Variants in APLF observed in about 807,000 individuals in gnomAD.
APLF encodes the protein aprataxin and PNKP like factor, also known as aprataxin and PNK-like factor.
APLF carries 61 observed loss-of-function variants against 55.6 expected under a neutral mutation model. The ratio of observed to expected loss-of-function variants is 1.10; its 90% CI spans 0.89 to 1.36. The LOEUF is 1.36. APLF is among the 40% of genes most tolerant of loss of function. The pLI, the probability that APLF is intolerant of heterozygous loss-of-function variation, is 0.00. For synonymous variants in APLF, 207 were observed against 214.8 expected, an observed-to-expected ratio of 0.96 and a Z score of 0.32; for missense variants, 611 against 602.5, an observed-to-expected ratio of 1.01 and a Z score of -0.15.
At chr2:68,522,156 G>C (rs1201270690) in intron 5 of APLF, among the ~76,000 whole-genome samples, 2 of 151,690 alleles carry the variant, frequency 1.3e-5, no homozygotes, top group Non-Finnish European at 3.0e-5. Flanking sequence ...GATTTTAATA[G>C]AAATTCTCTT....
At chr2:68,513,912 T>C (rs1669492011) in intron 5 of APLF, among the ~76,000 whole-genome samples, 1 of 151,740 alleles carries the variant, frequency 6.6e-6, no homozygotes, top group Non-Finnish European at 1.5e-5. Context: ...CAAGTGCTAT[T>C]ATGTGCTAGA....
chr2:68,497,470 C>G (rs1676584503), intron 2 of APLF, among the ~76,000 whole-genome samples: 1 of 151,882 alleles, frequency 6.6e-6, no homozygotes, highest in Admixed American at 6.6e-5. Flanking sequence ...CCTGCTCCAG[C>G]AATATAGGAT....
intron 8 of APLF, among the ~76,000 whole-genome samples, chr2:68,556,688 T>A (rs574960344): frequency 6.6e-6 from 1 of 152,254 alleles, no homozygotes; most frequent in African/African-American, 2.4e-5. Context: ...CACAATCATG[T>A]ACCTTGCCTT....
chr2:68,563,658 G>T (rs914274726), intron 8 of APLF, among the ~76,000 whole-genome samples: 3 of 151,906 alleles, frequency 2.0e-5, no homozygotes, highest in Non-Finnish European at 4.4e-5. Context: ...TAACTCCTTA[G>T]GTTTCATTAC....
In APLF at chr2:68,537,856, C is replaced by T; in HGVS notation, c.805-16C>T. On this transcript the variant is annotated splice_polypyrimidine_tract_variant and intron_variant, in intron 6 of 9. Transcript: ENST00000303795. ...TGTTTCATTTATTTCTGATGTTTTTCATATTTGTTTTACAGGAAATGCCAC... is the reference window on the plus strand; with the variant it reads ...TGTTTCATTTATTTCTGATGTTTTTTATATTTGTTTTACAGGAAATGCCAC... 1 of 1,499,590 alleles carries T rather than the reference C, an allele frequency of 6.7e-7. No individual in the cohort carries two copies. The highest frequency in any genetic ancestry group is 2.1e-5 in the Admixed American group (1 of 47,056). 92.9% of individuals were successfully genotyped at this position (1,499,590 alleles called of 1,614,324 possible). A position where few individuals can be genotyped will look rare whatever the true frequency, so the allele number is the denominator to read the frequency against.
intron 9 of APLF, among the ~76,000 whole-genome samples, chr2:68,570,286 TAA>T (rs1558557029): frequency 0.018 from 2,364 of 131,112 alleles, 56 homozygotes; most frequent in African/African-American, 0.074. Flanking sequence ...CTTTTTTTTT[TAA>T]TATATATATA....
rs568268529 is a variant in APLF at position 68,467,819 on chromosome 2, C to A, written c.88C>A (p.Leu30Met). The stretch of plus-strand genomic sequence containing the variant: ...GGAGACGGTGATCGGCCGCGGGCCG[C>A]TGCTGGGAGTAAGTGTGGGCGGGGG... ...PGETVIGRGPLLGITDKRVSR... is the reference protein window; with the variant it reads ...PGETVIGRGPMLGITDKRVSR... The change falls in exon 1 of 10, where the codon CTG (leucine) becomes ATG (methionine). Residue 30 changes from leucine to methionine, a missense_variant. Transcript: ENST00000303795. 8.1e-7 allele frequency: 1 copy of A among 1,233,144 alleles called. No homozygotes were observed. Among genetic ancestry groups the A allele is most frequent in the Non-Finnish European group, 1.0e-6 (1 of 988,124 alleles). The allele number at this position is 1,233,144 out of a possible 1,614,324, so 76.4% of individuals were successfully genotyped here. A position where few individuals can be genotyped will look rare whatever the true frequency, so the allele number is the denominator to read the frequency against.
intron 3 of APLF, among the ~76,000 whole-genome samples, chr2:68,509,341 C>T (rs1298344647): frequency 6.6e-6 from 1 of 152,062 alleles, no homozygotes; most frequent in East Asian, 1.9e-4. Flanking sequence ...GGGCTAATAT[C>T]CAGAATCTAC....
intron 3 of APLF, among the ~76,000 whole-genome samples, chr2:68,504,137 G>A (rs1676804150): frequency 6.6e-6 from 1 of 151,930 alleles, no homozygotes. Context: ...AGGAAAAATA[G>A]AAATCTGATG....
At chr2:68,536,870 G>A (rs1227516829) in intron 6 of APLF, among the ~76,000 whole-genome samples, 1 of 152,070 alleles carries the variant, frequency 6.6e-6, no homozygotes, top group Admixed American at 6.6e-5. Context: ...CAGTAGCTTA[G>A]AAGAAATTAT....
intron 6 of APLF, among the ~76,000 whole-genome samples, chr2:68,530,076 C>G: frequency 6.6e-6 from 1 of 152,240 alleles, no homozygotes. Flanking sequence ...TACCACATGC[C>G]TCCCTGGCAG....
chr2:68,555,929 A>G (rs1558552436), intron 8 of APLF, among the ~76,000 whole-genome samples: 1 of 152,230 alleles, frequency 6.6e-6, no homozygotes, highest in Non-Finnish European at 1.5e-5. Context: ...ACAATTTGCA[A>G]TGGCAAAAAC....
chr2:68,573,665 C>A (rs1369699836), intron 9 of APLF, among the ~76,000 whole-genome samples: 5 of 132,832 alleles, frequency 3.8e-5, no homozygotes, highest in African/African-American at 1.5e-4. Flanking sequence ...AAAGCGAGAC[C>A]TTGTCTCAAA....
At chr2:68,517,199 A>G (rs1235679269) in intron 5 of APLF, among the ~76,000 whole-genome samples, 13 of 125,490 alleles carry the variant, frequency 1.0e-4, no homozygotes, top group African/African-American at 3.8e-4. Context: ...TACATAATAT[A>G]TTAATATATG....
rs755830401 is a variant in APLF, at chr2:68,552,527, C to G, written c.1286+7215C>G. Among the ~76,000 whole-genome samples the G allele has an allele frequency of 4.6e-4, 70 of 152,106 alleles. 1 individual carries two copies. The highest frequency in any genetic ancestry group is 8.4e-4 in the Non-Finnish European group (57 of 68,004). ...TAGATAATCTAAAATTTTCATTGCT[C>G]TCACAATTCTGTCATAAAAGTGATT... is the stretch of plus-strand genomic sequence containing the variant. On this transcript the variant is annotated intron_variant, in intron 8 of 9. Coordinates refer to ENST00000303795, the MANE Select transcript of APLF (RefSeq NM_173545.3).
intron 5 of APLF, among the ~76,000 whole-genome samples, chr2:68,524,698 T>C (rs942446699): frequency 5.3e-5 from 8 of 152,230 alleles, no homozygotes; most frequent in East Asian, 1.9e-4. Context: ...TTTGGACAAA[T>C]TGTTTATGTT....
At chr2:68,528,950 T>A (rs1359695617) in intron 6 of APLF, 1 of 1,525,248 alleles carries the variant, frequency 6.6e-7, no homozygotes, top group African/African-American at 1.4e-5. Flanking sequence ...TTTATTGTCC[T>A]CCTGCTCCTG....
rs143743196 is a variant in APLF at position 68,510,251 on chromosome 2, A to C, written c.342-2829A>C. ...AATAATATACAAAAAAAGAAAGTGA[A>C]AAGACAACCACAGAATGAGAAAATA... On this transcript the variant is annotated intron_variant, in intron 3 of 9. Transcript: ENST00000303795. 1.1e-3 allele frequency among the ~76,000 whole-genome samples: 164 copies of C among 151,974 alleles called. 2 individuals carry two copies. In the East Asian group the frequency reaches 0.023, roughly 21 times the overall value.
rs375436599 is a variant in APLF at position 68,536,475 on chromosome 2, A to G, written c.805-1397A>G. 2.6e-4 allele frequency among the ~76,000 whole-genome samples: 40 copies of G among 152,262 alleles called. 1 individual carries two copies. Among genetic ancestry groups the G allele is most frequent in the African/African-American group, 9.4e-4 (39 of 41,552 alleles). On this transcript the variant is annotated intron_variant, in intron 6 of 9. Coordinates refer to ENST00000303795, the MANE Select transcript of APLF (RefSeq NM_173545.3). ...TAGTTATAAGTGGAAGCAAACATTG[A>G]TGTGTATCTGGTATGTTGTTATCAC... is the stretch of plus-strand genomic sequence containing the variant.
Sources: allele counts gnomAD v4.1 joint callset (sites outside exome capture counted in the v4.1 genomes callset), GRCh38; gene constraint gnomAD v4.1.1; transcripts MANE v1.5; gene names NCBI Gene and HGNC (gene_info 2026-07-23, HGNC 2026-07-21).